The following ZNF131 variants were observed in gnomAD, a reference collection of about 807,000 sequenced individuals.
ZNF131 encodes zinc finger and BTB domain containing 35, also known as zinc finger protein 131.
A neutral mutation model predicts 60.0 loss-of-function variants in ZNF131; 7 were observed. The ratio of observed to expected loss-of-function variants is 0.12; its 90% CI spans 0.07 to 0.22. ZNF131 has a LOEUF of 0.22. Ranked by LOEUF, ZNF131 falls within the 10% of genes least tolerant of loss-of-function variation. The probability of loss-of-function intolerance (pLI) is 1.00; values close to 1 mark genes in which losing one functional copy is unlikely to be tolerated. For missense variants in ZNF131, 493 were observed against 740.9 expected (o/e 0.67, Z 3.88); for synonymous variants, 257 against 253.2 (o/e 1.01, Z -0.14).
chr5:43,157,726 C>G (rs1749134177), intron 4 of ZNF131, among the ~76,000 whole-genome samples: 1 of 152,164 alleles, frequency 6.6e-6, no homozygotes, highest in Admixed American at 6.5e-5. Context: ...GGCTAAATGT[C>G]TGAAATCAAG....
intron 5 of ZNF131, among the ~76,000 whole-genome samples, chr5:43,169,673 C>A (rs1003709217): frequency 1.3e-5 from 2 of 152,134 alleles, no homozygotes; most frequent in Non-Finnish European, 2.9e-5. Flanking sequence ...TAGGTTGTTG[C>A]TAGGCTTTTG....
chr5:43,123,330 T>TTTTTATTTAATAAATCAAAGAAGCCA lies in ZNF131; in HGVS notation c.226+31_226+56dup. The TTTTTATTTAATAAATCAAAGAAGCCA allele has an allele frequency of 6.4e-7, 1 of 1,568,424 alleles. No individual in the cohort carries two copies. The highest frequency in any genetic ancestry group is 8.6e-7 in the Non-Finnish European group (1 of 1,160,110). Reference sequence around the variant, plus strand: ...TAGAAGGTAAATGATTCTTGTTGTTTTTTTATTTAATAAATCAAAGAAGCC... The same window carrying TTTTTATTTAATAAATCAAAGAAGCCA: ...TAGAAGGTAAATGATTCTTGTTGTTTTTTTATTTAATAAATCAAAGAAGCCATTTTATTTAATAAATCAAAGAAGCC... On this transcript the variant is annotated intron_variant, in intron 3 of 6. Transcript: ENST00000682664.
Position 43,174,619 on chromosome 5 carries a change from A to G in ZNF131, c.1358A>G (p.Glu453Gly), listed in dbSNP as rs781601827. ...HNISERLVTE[E>G]VLSVETRVQT... is the part of the protein sequence containing the mutation. Reference sequence around the variant, plus strand: ...ATTTCAGAGCGTCTAGTAACGGAAGAAGTTCTTTCAGTAGAAACACGTGTG... The same window carrying G: ...ATTTCAGAGCGTCTAGTAACGGAAGGAGTTCTTTCAGTAGAAACACGTGTG... The change falls in exon 7 of 7, where the codon GAA becomes GGA. Residue 453 changes from glutamate (E) to glycine (G), a missense_variant. Coordinates refer to ENST00000682664, the MANE Select transcript of ZNF131 (RefSeq NM_001330707.2). The G allele has an allele frequency of 2.5e-6, 4 of 1,614,154 alleles. No individual in the cohort carries two copies. The highest frequency in any genetic ancestry group is 3.4e-6 in the Non-Finnish European group (4 of 1,179,992).
At chr5:43,125,968 C>A (rs1307533237) in intron 3 of ZNF131, among the ~76,000 whole-genome samples, 1 of 152,184 alleles carries the variant, frequency 6.6e-6, no homozygotes, top group Non-Finnish European at 1.5e-5. Flanking sequence ...AAAATAGACA[C>A]ACACTTTATT....
chr5:43,130,263 C>CAAAAAAAAAAAAAAAA lies in ZNF131; in HGVS notation c.226+6953_226+6954insAAAAAAAAAAAAAAAA, dbSNP rs765959932. Among the ~76,000 whole-genome samples the CAAAAAAAAAAAAAAAA allele has an allele frequency of 2.9e-3, 97 of 33,116 alleles. 15 individuals carry two copies. The highest frequency in any genetic ancestry group is 4.1e-3 in the Non-Finnish European group (80 of 19,562). 21.7% of individuals were successfully genotyped at this position (33,116 alleles called of 152,430 possible). ...TGAGCGATAGAGTAAGACTCTGTCT[C>CAAAAAAAAAAAAAAAA]CAAAAAAAAAAAAAAAAAAGAGGAA... is the stretch of plus-strand genomic sequence containing the variant. On this transcript the variant is annotated intron_variant, in intron 3 of 6. Transcript: ENST00000682664.
At chr5:43,125,003 C>T (rs539794915) in intron 3 of ZNF131, 2 of 149,540 alleles carry the variant, frequency 1.3e-5, no homozygotes, top group African/African-American at 4.9e-5. Context: ...GCATTGTAGC[C>T]TGGGCGACAG....
At chr5:43,173,508 A>G in intron 6 of ZNF131, 60 bp downstream of exon 6, 26 of 1,559,020 alleles carry the variant, frequency 1.7e-5, no homozygotes, top group Non-Finnish European at 2.2e-5. Flanking sequence ...GCAGTCATCA[A>G]AAGCAAAGGG....
chr5:43,122,246 CTT>C (rs35497367), intron 2 of ZNF131, 69 bp downstream of exon 2: 147,851 of 999,614 alleles, frequency 0.15, 77 homozygotes, highest in Middle Eastern at 0.16. Flanking sequence ...GGACACCCGC[CTT>C]TTTTTTTTTT....
chr5:43,129,076 G>A (rs1047708761), intron 3 of ZNF131, among the ~76,000 whole-genome samples: 2 of 152,034 alleles, frequency 1.3e-5, no homozygotes, highest in Non-Finnish European at 2.9e-5. Context: ...TGGAATTAAG[G>A]CTCCCACCAC....
chr5:43,165,120 T>G (rs1049814195), intron 5 of ZNF131, among the ~76,000 whole-genome samples: 1 of 152,070 alleles, frequency 6.6e-6, no homozygotes, highest in Non-Finnish European at 1.5e-5. Flanking sequence ...CCAGCTAATT[T>G]TTCTGTTTTT....
At chr5:43,123,106 GAAGA>G in intron 2 of ZNF131, 99 bp from the exon 3 acceptor site, 1 of 781,018 alleles carries the variant, frequency 1.3e-6, no homozygotes, top group African/African-American at 1.8e-5. Context: ...CGTAATGAAG[GAAGA>G]CCTATTTTGC....
chr5:43,169,610 C>T (rs1750739545), intron 5 of ZNF131, among the ~76,000 whole-genome samples: 1 of 152,114 alleles, frequency 6.6e-6, no homozygotes, highest in Non-Finnish European at 1.5e-5. Context: ...CTTCCTGTGG[C>T]TGCACAGTAT....
chr5:43,141,420 G>T (rs1746806862), intron 4 of ZNF131, among the ~76,000 whole-genome samples: 1 of 152,100 alleles, frequency 6.6e-6, no homozygotes. Flanking sequence ...GTTCTCTGTG[G>T]CCCTTTTGCT....
At chr5:43,164,830 C>G (rs1051025623) in intron 5 of ZNF131, among the ~76,000 whole-genome samples, 1 of 152,186 alleles carries the variant, frequency 6.6e-6, no homozygotes, top group Non-Finnish European at 1.5e-5. Context: ...GAACCATATA[C>G]CCATTGGAGG....
At chr5:43,167,964 A>G (rs1227673685) in intron 5 of ZNF131, 2 of 454,208 alleles carry the variant, frequency 4.4e-6, no homozygotes, top group African/African-American at 2.0e-5. Flanking sequence ...TTATGAGGCC[A>G]CATCTGGTGA....
chr5:43,151,222 C>G (rs61358198), intron 4 of ZNF131, among the ~76,000 whole-genome samples: 1 of 152,118 alleles, frequency 6.6e-6, no homozygotes. Flanking sequence ...TGTTGTACCA[C>G]TTTTTTAATT....
At chr5:43,160,198 AAC>A (rs1749501286) in intron 4 of ZNF131, among the ~76,000 whole-genome samples, 1 of 149,118 alleles carries the variant, frequency 6.7e-6, no homozygotes, top group Admixed American at 6.7e-5. Flanking sequence ...CAAAAAAAAA[AAC>A]AAAAAAAGAA....
intron 4 of ZNF131, chr5:43,143,513 C>T: frequency 3.7e-6 from 3 of 806,320 alleles, no homozygotes; most frequent in South Asian, 3.7e-5. Context: ...TTTAGATGAG[C>T]CAGACATCGT....
chr5:43,166,755 A>AC, intron 5 of ZNF131, among the ~76,000 whole-genome samples: 1 of 151,418 alleles, frequency 6.6e-6, no homozygotes, highest in Non-Finnish European at 1.5e-5. Flanking sequence ...TCCCGGGTTC[A>AC]AGCAGTTCTC....
Sources: allele counts gnomAD v4.1 joint callset (sites outside exome capture counted in the v4.1 genomes callset), GRCh38; gene constraint gnomAD v4.1.1; transcripts MANE v1.5; gene names NCBI Gene and HGNC (gene_info 2026-07-23, HGNC 2026-07-21).